PTH2R: variants seen among roughly 807,000 people sequenced by gnomAD.
The protein encoded by PTH2R is parathyroid hormone 2 receptor.
PTH2R carries 59 observed loss-of-function variants against 60.3 expected under a neutral mutation model. That is an observed-to-expected ratio of 0.98 (90% CI 0.79 to 1.22). PTH2R has a LOEUF of 1.22. PTH2R is among the 50% of genes most tolerant of loss of function. The pLI is 0.00. For synonymous variants in PTH2R, 256 were observed against 243.8 expected (o/e 1.05, Z -0.47); for missense variants, 749 against 682.6 (o/e 1.10, Z -1.08).
chr2:208,410,064 T>C (rs575806614), intron 1 of PTH2R, among the ~76,000 whole-genome samples: 259 of 151,914 alleles, frequency 1.7e-3, no homozygotes, highest in Non-Finnish European at 2.8e-3. Flanking sequence ...ATCAGAGGAG[T>C]CCCATGCTGC....
chr2:208,458,906 G>A (rs1251285702), intron 8 of PTH2R, among the ~76,000 whole-genome samples: 10 of 152,022 alleles, frequency 6.6e-5, no homozygotes, highest in South Asian at 2.1e-4. Flanking sequence ...ACAGTGCTGC[G>A]ATGAATATTT....
At chr2:208,492,732 G>T (rs1703432085) in intron 12 of PTH2R, among the ~76,000 whole-genome samples, 1 of 152,110 alleles carries the variant, frequency 6.6e-6, no homozygotes, top group African/African-American at 2.4e-5. Flanking sequence ...TCAGGTGTGT[G>T]CTGGCTAGAG....
chr2:208,383,049 C>T (rs527974517), intron 1 of PTH2R, among the ~76,000 whole-genome samples: 9 of 152,328 alleles, frequency 5.9e-5, no homozygotes, highest in Non-Finnish European at 1.0e-4. Context: ...CTGTCTTAGT[C>T]GGCAGATCTA....
intron 10 of PTH2R, 138 bp from the exon 11 acceptor site, chr2:208,488,874 C>T: frequency 1.1e-6 from 1 of 875,430 alleles, no homozygotes; most frequent in African/African-American, 1.7e-5. Flanking sequence ...GAGTGAAACC[C>T]TGTCTCAAGA....
chr2:208,365,327 A>G (rs1898436), intron 1 of PTH2R, among the ~76,000 whole-genome samples: 122,316 of 152,092 alleles, frequency 0.8, 50,282 homozygotes, highest in East Asian at 0.93. Flanking sequence ...TATTATGTGC[A>G]GGTAATTTCC....
At chr2:208,471,884 G>T (rs150754758) in intron 9 of PTH2R, among the ~76,000 whole-genome samples, 25 of 152,354 alleles carry the variant, frequency 1.6e-4, no homozygotes, top group African/African-American at 6.0e-4. Flanking sequence ...GGGCAGAGCT[G>T]CCCAAGGCCA....
At chr2:208,380,774 A>C (rs1409867143) in intron 1 of PTH2R, among the ~76,000 whole-genome samples, 1 of 152,080 alleles carries the variant, frequency 6.6e-6, no homozygotes, top group Non-Finnish European at 1.5e-5. Flanking sequence ...GGGCTGCCTC[A>C]AGGCCTGCAT....
At chr2:208,475,089 T>G (rs1702970542) in intron 9 of PTH2R, among the ~76,000 whole-genome samples, 1 of 152,208 alleles carries the variant, frequency 6.6e-6, no homozygotes, top group African/African-American at 2.4e-5. Context: ...TCCCACATAT[T>G]CCATTCATTT....
chr2:208,485,954 T>C (rs533106710), intron 10 of PTH2R, among the ~76,000 whole-genome samples: 25 of 152,332 alleles, frequency 1.6e-4, no homozygotes, highest in African/African-American at 6.0e-4. Flanking sequence ...TGAGGGCCTA[T>C]AGCTAGAACC....
intron 2 of PTH2R, among the ~76,000 whole-genome samples, chr2:208,430,709 G>T (rs1344140905): frequency 6.6e-6 from 1 of 152,002 alleles, no homozygotes; most frequent in African/African-American, 2.4e-5. Context: ...ACCACATCCG[G>T]CTAATTTTTT....
At chr2:208,492,947 C>G (rs6716615) in intron 12 of PTH2R, among the ~76,000 whole-genome samples, 21,262 of 152,122 alleles carry the variant, frequency 0.14, 2,474 homozygotes, top group African/African-American at 0.32. Flanking sequence ...AGTTTCTCTT[C>G]CAACCCAGAA....
intron 1 of PTH2R, among the ~76,000 whole-genome samples, chr2:208,364,241 A>T (rs1184847785): frequency 6.6e-6 from 1 of 151,486 alleles, no homozygotes; most frequent in Non-Finnish European, 1.5e-5. Context: ...CCATTTGTCC[A>T]TTTTTTTTGG....
At chr2:208,365,986 T>A (rs1700586323) in intron 1 of PTH2R, among the ~76,000 whole-genome samples, 1 of 104,164 alleles carries the variant, frequency 9.6e-6, no homozygotes, top group Non-Finnish European at 2.0e-5. Context: ...TTTTTTTTTT[T>A]TTTTTTTTTT....
At chr2:208,469,060 G>A (rs112875167) in intron 9 of PTH2R, among the ~76,000 whole-genome samples, 2 of 152,262 alleles carry the variant, frequency 1.3e-5, no homozygotes, top group East Asian at 1.9e-4. Flanking sequence ...TACAGCTCAC[G>A]CAGATATAGG....
intron 10 of PTH2R, among the ~76,000 whole-genome samples, chr2:208,488,030 G>A (rs1457501295): frequency 6.6e-6 from 1 of 152,134 alleles, no homozygotes; most frequent in Non-Finnish European, 1.5e-5. Flanking sequence ...TAAAACAGGG[G>A]CAAAAATAGC....
At chr2:208,420,317 C>A (rs1701729548) in intron 1 of PTH2R, among the ~76,000 whole-genome samples, 1 of 151,732 alleles carries the variant, frequency 6.6e-6, no homozygotes, top group African/African-American at 2.4e-5. Flanking sequence ...AAAGTGAAGT[C>A]AAAAGATAAA....
At chr2:208,459,075 C>G (rs1421683361) in intron 8 of PTH2R, among the ~76,000 whole-genome samples, 1 of 152,062 alleles carries the variant, frequency 6.6e-6, no homozygotes, top group East Asian at 1.9e-4. Flanking sequence ...CCACCAACAG[C>G]ATATAAGGGT....
chr2:208,469,248 T>C (rs1702826783), intron 9 of PTH2R, among the ~76,000 whole-genome samples: 1 of 152,240 alleles, frequency 6.6e-6, no homozygotes, highest in Admixed American at 6.5e-5. Flanking sequence ...AGTTGTTTTT[T>C]AGTCATGCAT....
chr2:208,363,093 T>C (rs577733548), intron 1 of PTH2R, among the ~76,000 whole-genome samples: 1 of 152,282 alleles, frequency 6.6e-6, no homozygotes, highest in Non-Finnish European at 1.5e-5. Flanking sequence ...TTGTGTGTCA[T>C]GGGGGTTTGG....
Sources: gnomAD v4.1 joint callset for allele counts (sites outside exome capture counted in the v4.1 genomes callset) on GRCh38, gnomAD v4.1.1 for gene constraint, MANE v1.5 for transcripts, NCBI Gene and HGNC (gene_info 2026-07-23, HGNC 2026-07-21) for gene names.